The following NIPBL variants were observed in gnomAD, a reference collection of about 807,000 sequenced individuals.
NIPBL encodes nipped-B-like protein.
NIPBL carries 19 observed loss-of-function variants against 321.8 expected under a neutral mutation model. The observed-to-expected ratio is 0.06, with a 90% CI of 0.04 to 0.09. The LOEUF (loss-of-function observed/expected upper bound fraction) is 0.09. Among genes scored for constraint, NIPBL ranks in the 10% least tolerant of loss-of-function variants. The pLI is 1.00. For synonymous variants in NIPBL, 1,106 were observed against 1,114.1 expected, an observed-to-expected ratio of 0.99 and a Z score of 0.14; for missense variants, 2,210 against 3,327.0, an observed-to-expected ratio of 0.66 and a Z score of 8.26.
chr5:36,976,224 G>A lies in NIPBL; in HGVS notation c.1317G>A (p.Gln439=). The change falls in exon 9 of 47, where the codon CAG becomes CAA. Residue 439 remains glutamine, a synonymous_variant. Coordinates refer to ENST00000282516, the MANE Select transcript of NIPBL (RefSeq NM_133433.4). ...CAAATCAAGTGCCTGTTTTACAACA[G>A]AACACTTCAGTTGCTGCAAAACAAC... ...LPANQVPVLQ[Q]NTSVAAKQPQ... 6.2e-7 allele frequency: 1 copy of A among 1,613,672 alleles called. No individual in the cohort carries two copies.
At chr5:36,963,779 A>G (rs1377559097) in intron 6 of NIPBL, among the ~76,000 whole-genome samples, 1 of 152,150 alleles carries the variant, frequency 6.6e-6, no homozygotes, top group Non-Finnish European at 1.5e-5. Context: ...ACAGATTGAG[A>G]CCTATCTCAA....
chr5:37,019,505 A>G (rs1175366058), intron 25 of NIPBL, 105 bp downstream of exon 25: 2 of 791,612 alleles, frequency 2.5e-6, no homozygotes, highest in Non-Finnish European at 4.4e-6. Flanking sequence ...AGTTGTTTGG[A>G]ATATTGATTT....
At chr5:37,055,262 A>C (rs947250838) in intron 42 of NIPBL, among the ~76,000 whole-genome samples, 5 of 151,756 alleles carry the variant, frequency 3.3e-5, no homozygotes, top group Non-Finnish European at 7.4e-5. Flanking sequence ...GAGGCATGAG[A>C]ATCACTTGAA....
At chr5:36,968,095 C>CAAAAAAAAAAAAAA (rs1194609840) in intron 6 of NIPBL, among the ~76,000 whole-genome samples, 2 of 54,176 alleles carry the variant, frequency 3.7e-5, no homozygotes, top group Non-Finnish European at 7.2e-5. Context: ...GACTCTGTCT[C>CAAAAAAAAAAAAAA]AAAAAAAAAA....
chr5:36,928,034 A>G (rs1251702849), intron 1 of NIPBL, among the ~76,000 whole-genome samples: 1 of 151,930 alleles, frequency 6.6e-6, no homozygotes, highest in Non-Finnish European at 1.5e-5. Flanking sequence ...ATAAAACCAT[A>G]CTCGATGCAC....
Position 36,961,544 on chromosome 5 carries a change from C to G in NIPBL, c.419C>G (p.Ser140Cys). 4 of 1,611,450 alleles carry G rather than the reference C, an allele frequency of 2.5e-6. No homozygotes were observed. Among genetic ancestry groups the G allele is most frequent in the Non-Finnish European group, 3.4e-6 (4 of 1,177,772 alleles). Residue 140 changes from serine (S) to cysteine (C), a missense_variant, in exon 5 of 47, where the codon TCC (serine) becomes TGC (cysteine). Physicochemically the swap from Ser to Cys is moderately radical, Grantham distance 112 (BLOSUM62 -1). Around this residue, in one of 14 missense-constraint regions of NIPBL, gnomAD observed 464 missense variants for 529.5 expected, o/e 0.88. Coordinates refer to ENST00000282516, the MANE Select transcript of NIPBL (RefSeq NM_133433.4). ...QNSMHSSPAS[S>C]NYQQTTISHS... ...TCCATGCACAGTAGTCCTGCATCTTCCAATTATCAACAAACCACTATCTCA... is the reference window on the plus strand; with the variant it reads ...TCCATGCACAGTAGTCCTGCATCTTGCAATTATCAACAAACCACTATCTCA...
At chr5:37,056,382 T>C (rs1031346247) in intron 42 of NIPBL, among the ~76,000 whole-genome samples, 3 of 152,170 alleles carry the variant, frequency 2.0e-5, no homozygotes, top group African/African-American at 7.2e-5. Context: ...GCTTTTTTTT[T>C]CCTTGAGCTA....
Position 36,955,614 on chromosome 5 carries a change from C to T in NIPBL, c.207C>T (p.Leu69=). The change falls in exon 3 of 47, where the codon CTC becomes CTT. Residue 69 remains leucine, a synonymous_variant. Coordinates refer to ENST00000282516, the MANE Select transcript of NIPBL (RefSeq NM_133433.4). ...DNLVSQLVHS[L]NQVSTDHIEL... ...TGGTTTCACAGCTTGTCCATAGCCTCAACCAGGTATCAACAGATCACATGT... is the reference window on the plus strand; with the variant it reads ...TGGTTTCACAGCTTGTCCATAGCCTTAACCAGGTATCAACAGATCACATGT... 1 of 1,613,962 alleles carries T rather than the reference C, an allele frequency of 6.2e-7. No homozygotes were observed.
At chr5:36,945,340 T>C (rs1009274559) in intron 1 of NIPBL, among the ~76,000 whole-genome samples, 2 of 152,176 alleles carry the variant, frequency 1.3e-5, no homozygotes, top group African/African-American at 4.8e-5. Context: ...ATGTGAAGTT[T>C]TATTAAAGTC....
intron 45 of NIPBL, among the ~76,000 whole-genome samples, 197 bp downstream of exon 45, chr5:37,061,215 AT>A (rs1754630415): frequency 6.6e-6 from 1 of 152,040 alleles, no homozygotes; most frequent in African/African-American, 2.4e-5. Context: ...CATCCTAATT[AT>A]TTTTTCTTAG....
chr5:37,026,258 C>T lies in NIPBL; in HGVS notation c.5739C>T (p.Leu1913=), dbSNP rs1462787879. Residue 1913 remains leucine, a synonymous_variant, in exon 31 of 47, where the codon CTC becomes CTT. Coordinates refer to ENST00000282516, the MANE Select transcript of NIPBL (RefSeq NM_133433.4). Reference sequence around the variant, plus strand: ...TAGTAAATGAAACATTCCAGAAACTCTGGTTTACTCCAACTCCACACAATG... The same window carrying T: ...TAGTAAATGAAACATTCCAGAAACTTTGGTTTACTCCAACTCCACACAATG... The part of the protein sequence containing the change: ...KKLVNETFQK[L]WFTPTPHNDK... 6.2e-7 allele frequency: 1 copy of T among 1,610,132 alleles called. No individual in the cohort carries two copies. The highest frequency in any genetic ancestry group is 8.5e-7 in the Non-Finnish European group (1 of 1,176,780).
intron 1 of NIPBL, chr5:36,885,830 C>A: frequency 1.5e-6 from 1 of 681,294 alleles, no homozygotes; most frequent in Admixed American, 1.8e-5. Context: ...CAGGGAGGAG[C>A]TGCTCTTAAT....
intron 8 of NIPBL, among the ~76,000 whole-genome samples, chr5:36,975,112 A>T (rs984800952): frequency 6.6e-6 from 1 of 152,006 alleles, no homozygotes; most frequent in East Asian, 1.9e-4. Flanking sequence ...AATTTACTGA[A>T]CTTATTTATT....
rs1472682348 is a variant in NIPBL, at chr5:37,014,739, A to G, written c.4617A>G (p.Gln1539=). Reference sequence around the variant, plus strand: ...ATGAAACAGCTATGCGAACAGCCCAAAACTTCCTCTCCATCTTCCTTAAAA... The same window carrying G: ...ATGAAACAGCTATGCGAACAGCCCAGAACTTCCTCTCCATCTTCCTTAAAA... ...NSYETAMRTA[Q]NFLSIFLKKC... is the part of the protein sequence containing the mutation. The change falls in exon 22 of 47, where the codon CAA becomes CAG. Residue 1539 remains glutamine (Q), a synonymous_variant. Transcript: ENST00000282516. 10 of 1,605,416 alleles carry G rather than the reference A, an allele frequency of 6.2e-6. No homozygotes were observed. The South Asian group carries it at 1.1e-4, about 18-fold the overall frequency.
intron 1 of NIPBL, among the ~76,000 whole-genome samples, chr5:36,952,045 TGTGTGTGTGCGCGC>T (rs1056594371): frequency 2.6e-5 from 3 of 116,276 alleles, no homozygotes; most frequent in Admixed American, 2.0e-4. Context: ...TGTGTGTGTG[TGTGTGTGTGCGCGC>T]GCGCGCGCGC....
At chr5:36,962,531 T>C (rs550289010) in intron 6 of NIPBL, among the ~76,000 whole-genome samples, 1 of 152,318 alleles carries the variant, frequency 6.6e-6, no homozygotes, top group South Asian at 2.1e-4. Context: ...TAAGTATATT[T>C]AGGTGTGAAA....
intron 42 of NIPBL, 69 bp from the exon 43 acceptor site, chr5:37,057,117 A>G (rs1467189881): frequency 1.9e-6 from 3 of 1,561,458 alleles, no homozygotes; most frequent in African/African-American, 1.4e-5. Flanking sequence ...TATTTTTTCT[A>G]AAAAAGGTTT....
chr5:36,922,558 T>G (rs1018640557), intron 1 of NIPBL, among the ~76,000 whole-genome samples: 1 of 152,170 alleles, frequency 6.6e-6, no homozygotes, highest in Admixed American at 6.5e-5. Flanking sequence ...TACTGGATAC[T>G]TATTTCTCTG....
intron 1 of NIPBL, among the ~76,000 whole-genome samples, chr5:36,906,531 TCTG>T (rs1747652376): frequency 6.6e-6 from 1 of 152,198 alleles, no homozygotes; most frequent in Admixed American, 6.5e-5. Context: ...AGAAATTATT[TCTG>T]CTACCAGGAC....
Sources: gnomAD v4.1 joint callset for allele counts (sites outside exome capture counted in the v4.1 genomes callset) on GRCh38, gnomAD v4.1.1 for gene constraint, gnomAD v4.1.1 regional missense constraint, MANE v1.5 for transcripts, NCBI Gene and HGNC (gene_info 2026-07-23, HGNC 2026-07-21) for gene names.